The following TBL3 variants were observed in gnomAD, a reference collection of about 807,000 sequenced individuals.
TBL3 encodes transducin beta like 3, also known as transducin beta-like protein 3.
Under a neutral mutation model 102.7 loss-of-function variants are expected in TBL3, and 71 were observed. That is an observed-to-expected ratio of 0.69 (90% CI 0.57 to 0.84). TBL3 has a LOEUF of 0.84. TBL3 is among the 40% of genes least tolerant of loss of function. The pLI is 0.00. For synonymous variants in TBL3, 578 were observed against 477.7 expected (o/e 1.21, Z -2.74); for missense variants, 1,188 against 1,098.5 (o/e 1.08, Z -1.15).
Position 1,979,312 on chromosome 16 carries a change from G to C in TBL3, c.*627G>C, listed in dbSNP as rs202024453. ...AGAGCGCCCAGCCCTTCCGGCCGCA[G>C]CAGCACCGCGGGGAGTAGGCCCGCC... is the stretch of plus-strand genomic sequence containing the variant. On this transcript the variant is annotated 3_prime_UTR_variant, in exon 22 of 22. Coordinates refer to ENST00000568546, the MANE Select transcript of TBL3 (RefSeq NM_006453.3). The C allele has an allele frequency of 4.0e-3, 6,294 of 1,572,220 alleles. 22 individuals carry two copies. Among genetic ancestry groups the C allele is most frequent in the Non-Finnish European group, 5.2e-3 (6,032 of 1,166,652 alleles).
intron 1 of TBL3, among the ~76,000 whole-genome samples, chr16:1,972,605 A>G (rs1302282753): frequency 6.6e-6 from 1 of 152,214 alleles, no homozygotes; most frequent in East Asian, 1.9e-4. Context: ...TCCAGGGAGC[A>G]GGGAGAATGC....
Position 1,980,604 on chromosome 16 carries a change from G to A in TBL3, c.*1919G>A. On this transcript the variant is annotated 3_prime_UTR_variant, in exon 22 of 22. Coordinates refer to ENST00000568546, the MANE Select transcript of TBL3 (RefSeq NM_006453.3). ...GCTTTGGGCTTCACTGGTCCCTGGC[G>A]CCCCCAGGCAAGCCACCGCCTTCCC... 1 of 1,589,724 alleles carries A rather than the reference G, an allele frequency of 6.3e-7. No homozygotes were observed.
At position 1,980,997 on chromosome 16, in the gene TBL3, C is replaced by T. The variant is rs2150891766; in HGVS notation, c.*2312C>T. On this transcript the variant is annotated 3_prime_UTR_variant, in exon 22 of 22. Transcript: ENST00000568546. ...CACGAAGGTGTCGCTGCCGTCTGAC[C>T]AGCGCACAGAGAAGGCAAACGTCTG... 1 of 1,613,286 alleles carries T rather than the reference C, an allele frequency of 6.2e-7. No homozygotes were observed.
At position 1,980,380 on chromosome 16, in the gene TBL3, G is replaced by A. The variant is rs1386172760; in HGVS notation, c.*1695G>A. 6.2e-7 allele frequency: 1 copy of A among 1,601,148 alleles called. No individual in the cohort carries two copies. The highest frequency in any genetic ancestry group is 1.7e-5 in the Admixed American group (1 of 59,794). The stretch of plus-strand genomic sequence containing the variant: ...CGAGTCAGGCACCTGCCGGGTGGCA[G>A]CGCGGGCTCCAGGTCCAGGGGTTGC... On this transcript the variant is annotated 3_prime_UTR_variant, in exon 22 of 22. Transcript: ENST00000568546.
In TBL3 at chr16:1,979,163, G is replaced by A. The variant is rs1330432566; in HGVS notation, c.*478G>A. 2 of 1,458,354 alleles carry A rather than the reference G, an allele frequency of 1.4e-6. No individual in the cohort carries two copies. Among genetic ancestry groups the A allele is most frequent in the Admixed American group, 2.8e-5 (1 of 35,942 alleles). The allele number at this position is 1,458,354 out of a possible 1,614,324, so 90.3% of individuals were successfully genotyped here. A position where few individuals can be genotyped will look rare whatever the true frequency, so the allele number is the denominator to read the frequency against. On this transcript the variant is annotated 3_prime_UTR_variant, in exon 22 of 22. Transcript: ENST00000568546. ...GTGTGACGGTGCAGCAGCGGCTCTG[G>A]ATGGCGCCCGGCGAAGGTCGGGTGG...
At position 1,981,175 on chromosome 16, in the gene TBL3, G is replaced by A; in HGVS notation, c.*2490G>A. 1 of 1,613,674 alleles carries A rather than the reference G, an allele frequency of 6.2e-7. No homozygotes were observed. Among genetic ancestry groups the A allele is most frequent in the Non-Finnish European group, 8.5e-7 (1 of 1,180,016 alleles). On this transcript the variant is annotated 3_prime_UTR_variant, in exon 22 of 22. Coordinates refer to ENST00000568546, the MANE Select transcript of TBL3 (RefSeq NM_006453.3). ...CACTGAAACTGGGTATCGGGGGCCTGCCATGGCTGTGGCTTCCAGGCTGCA... is the reference window on the plus strand; with the variant it reads ...CACTGAAACTGGGTATCGGGGGCCTACCATGGCTGTGGCTTCCAGGCTGCA...
Position 1,977,229 on chromosome 16 carries a change from C to T in TBL3, c.1616C>T (p.Ala539Val). The T allele has an allele frequency of 6.2e-7, 1 of 1,613,190 alleles. No homozygotes were observed. The highest frequency in any genetic ancestry group is 1.7e-4 in the Middle Eastern group (1 of 6,060). ...FSPMDQVLAT[A>V]SADGTIKLWA... ...CCCATGGACCAGGTGCTGGCCACGG[C>T]CTCAGCTGATGGCACCATCAAGCTC... Residue 539 changes from alanine to valine, a missense_variant, in exon 15 of 22, where the codon GCC becomes GTC. Coordinates refer to ENST00000568546, the MANE Select transcript of TBL3 (RefSeq NM_006453.3).
rs1362736803 is a variant in TBL3, at chr16:1,981,761, G to A, written c.*3076G>A. ...GGTCTCTTAATGTCCCCAACTCATA[G>A]AGGAGGAAATGTGTGTTAAATGCGT... On this transcript the variant is annotated 3_prime_UTR_variant, in exon 22 of 22. Coordinates refer to ENST00000568546, the MANE Select transcript of TBL3 (RefSeq NM_006453.3). The A allele has an allele frequency of 6.4e-6, 1 of 156,128 alleles. No individual in the cohort carries two copies. The highest frequency in any genetic ancestry group is 1.4e-5 in the Non-Finnish European group (1 of 70,336). The allele number at this position is 156,128 out of a possible 1,614,324, so 9.7% of individuals were successfully genotyped here.
chr16:1,976,350 A>T (rs1196419252), intron 13 of TBL3, 36 bp downstream of exon 13: 1 of 1,576,886 alleles, frequency 6.3e-7, no homozygotes, highest in Non-Finnish European at 8.7e-7. Flanking sequence ...GGTGTCAGGG[A>T]GGTGGAGGCC....
intron 6 of TBL3, 32 bp from the exon 7 acceptor site, chr16:1,974,896 C>T: frequency 6.2e-7 from 1 of 1,612,632 alleles, no homozygotes; most frequent in Non-Finnish European, 8.5e-7. Flanking sequence ...CCAGGCTGCA[C>T]AGCTCACCCA....
At position 1,977,284 on chromosome 16, in the gene TBL3, G is replaced by A. The variant is rs1192305512; in HGVS notation, c.1671G>A (p.Lys557=). ...CACTCCAGGACTTCAGCTGTCTCAAGGTAAGTGGCGCTCCAGACCCTCCCC... is the reference window on the plus strand; with the variant it reads ...CACTCCAGGACTTCAGCTGTCTCAAAGTAAGTGGCGCTCCAGACCCTCCCC... ...LWALQDFSCL[K]TFEGHDASVL... is the part of the protein sequence containing the mutation. Residue 557 remains lysine, a splice_region_variant and synonymous_variant, in exon 15 of 22, where the codon AAG becomes AAA. Transcript: ENST00000568546. 1.9e-6 allele frequency: 3 copies of A among 1,613,382 alleles called. No individual in the cohort carries two copies. Among genetic ancestry groups the A allele is most frequent in the Non-Finnish European group, 1.7e-6 (2 of 1,179,962 alleles).
rs1259632505 is a variant in TBL3 at position 1,977,191 on chromosome 16, C to T, written c.1578C>T (p.Cys526=). 4.3e-6 allele frequency: 7 copies of T among 1,613,026 alleles called. No homozygotes were observed. In the African/African-American group the frequency reaches 5.3e-5, roughly 12 times the overall value. Residue 526 remains cysteine (C), a synonymous_variant, in exon 15 of 22, where the codon TGC becomes TGT. Transcript: ENST00000568546. The part of the protein sequence containing the change: ...VFSGHRRGLW[C]VQFSPMDQVL... ...CAGGCCACCGGCGTGGCCTCTGGTG[C>T]GTCCAGTTCTCTCCCATGGACCAGG...
At position 1,981,459 on chromosome 16, in the gene TBL3, C is replaced by G; in HGVS notation, c.*2774C>G. 1.5e-6 allele frequency: 1 copy of G among 678,332 alleles called. No homozygotes were observed. Among genetic ancestry groups the G allele is most frequent in the Non-Finnish European group, 2.3e-6 (1 of 434,616 alleles). The allele number at this position is 678,332 out of a possible 1,614,324, so 42.0% of individuals were successfully genotyped here. A position where few individuals can be genotyped will look rare whatever the true frequency, so the allele number is the denominator to read the frequency against. ...AGAATGAGCTTTCCAGCCCTGGAGG[C>G]GTGCAAGACTGAAGAAGGGGCGAAG... On this transcript the variant is annotated 3_prime_UTR_variant, in exon 22 of 22. Coordinates refer to ENST00000568546, the MANE Select transcript of TBL3 (RefSeq NM_006453.3).
intron 18 of TBL3, 43 bp downstream of exon 18, chr16:1,977,843 T>C (rs749691018): frequency 1.6e-5 from 25 of 1,571,722 alleles, no homozygotes; most frequent in Non-Finnish European, 2.1e-5. Context: ...TCAGCCCTGC[T>C]CTGTGCTGTA....
intron 1 of TBL3, 26 bp downstream of exon 1, chr16:1,972,231 C>A: frequency 7.4e-7 from 1 of 1,355,320 alleles, no homozygotes; most frequent in Non-Finnish European, 9.6e-7. Flanking sequence ...TGGGGCCGTG[C>A]GGGGAGGGAG....
chr16:1,976,951 G>T lies in TBL3; in HGVS notation c.1430G>T (p.Cys477Phe). ...ILLQAQTTQR[C>F]HDKDINSVAI... ...CTGCAGGCCCAGACCACTCAGCGCT[G>T]CCATGATAAGGTGACTCCATAGCCA... The change falls in exon 14 of 22, where the codon TGC becomes TTC. Residue 477 changes from cysteine (C) to phenylalanine (F), a missense_variant. Physicochemically the swap from Cys to Phe is radical, Grantham distance 205. Transcript: ENST00000568546. 6.2e-7 allele frequency: 1 copy of T among 1,613,882 alleles called. No homozygotes were observed. Among genetic ancestry groups the T allele is most frequent in the Non-Finnish European group, 8.5e-7 (1 of 1,180,018 alleles).
In TBL3 at chr16:1,978,742, T is replaced by C; in HGVS notation, c.*57T>C. ...CCCCTGGAAAACCCATAAAGGCCGCTCTCCTGGCCGGCTCTGTCTCTCTGG... is the reference window on the plus strand; with the variant it reads ...CCCCTGGAAAACCCATAAAGGCCGCCCTCCTGGCCGGCTCTGTCTCTCTGG... On this transcript the variant is annotated 3_prime_UTR_variant, in exon 22 of 22. Coordinates refer to ENST00000568546, the MANE Select transcript of TBL3 (RefSeq NM_006453.3). 3 of 1,570,292 alleles carry C rather than the reference T, an allele frequency of 1.9e-6. No individual in the cohort carries two copies. Among genetic ancestry groups the C allele is most frequent in the Non-Finnish European group, 2.6e-6 (3 of 1,152,608 alleles).
Position 1,980,133 on chromosome 16 carries a change from C to A in TBL3, c.*1448C>A. 1 of 1,606,432 alleles carries A rather than the reference C, an allele frequency of 6.2e-7. No individual in the cohort carries two copies. Among genetic ancestry groups the A allele is most frequent in the Non-Finnish European group, 8.5e-7 (1 of 1,178,500 alleles). On this transcript the variant is annotated 3_prime_UTR_variant, in exon 22 of 22. Coordinates refer to ENST00000568546, the MANE Select transcript of TBL3 (RefSeq NM_006453.3). ...CCAGACTGTGGATGGAGAGGCGGCC[C>A]GCAGCGCGAGAAAGAGGCTGCTCCT...
rs764345294 is a variant in TBL3, at chr16:1,975,109, G to A, written c.635+11G>A. On this transcript the variant is annotated intron_variant, in intron 7 of 21. Transcript: ENST00000568546. ...CCACACCATGCTCAGGTCAGCAGTG[G>A]GCCCTGGTAGGAGGGGGAGGCTTGG... is the stretch of plus-strand genomic sequence containing the variant. The A allele has an allele frequency of 3.1e-6, 5 of 1,612,282 alleles. No homozygotes were observed. Among genetic ancestry groups the A allele is most frequent in the South Asian group, 1.1e-5 (1 of 91,084 alleles).
Sources: gnomAD v4.1 joint callset for allele counts (sites outside exome capture counted in the v4.1 genomes callset) on GRCh38, gnomAD v4.1.1 for gene constraint, MANE v1.5 for transcripts, NCBI Gene and HGNC (gene_info 2026-07-23, HGNC 2026-07-21) for gene names.